The following ICA1L variants were observed in gnomAD, a reference collection of about 807,000 sequenced individuals.
The protein encoded by ICA1L is islet cell autoantigen 1 like.
In ICA1L, 50 loss-of-function variants were observed where a neutral mutation model predicts 61.3. The ratio of observed to expected loss-of-function variants is 0.82; its 90% CI spans 0.65 to 1.03. ICA1L has a LOEUF of 1.03. Ranked by LOEUF, ICA1L falls within the 50% of genes least tolerant of loss-of-function variation. The pLI is 0.00. For missense variants in ICA1L, 508 were observed against 556.7 expected (o/e 0.91, Z 0.88); for synonymous variants, 161 against 191.3 (o/e 0.84, Z 1.31).
At chr2:202,788,720 G>C in intron 11 of ICA1L, 110 bp downstream of exon 11, 4 of 1,091,308 alleles carry the variant, frequency 3.7e-6, no homozygotes, top group Non-Finnish European at 4.1e-6. Context: ...ATCTAGTAGT[G>C]CTGACATTAA....
At chr2:202,822,578 T>C (rs533450721) in intron 3 of ICA1L, among the ~76,000 whole-genome samples, 1 of 152,294 alleles carries the variant, frequency 6.6e-6, no homozygotes, top group Non-Finnish European at 1.5e-5. Context: ...ACTGATCTAG[T>C]GTAAGCTGAT....
chr2:202,840,242 G>C, intron 1 of ICA1L: 1 of 431,370 alleles, frequency 2.3e-6, no homozygotes, highest in Admixed American at 2.6e-5. Flanking sequence ...TGGGTCTCCT[G>C]TTCCCTGTGC....
At chr2:202,798,916 C>T (rs531714862) in intron 9 of ICA1L, among the ~76,000 whole-genome samples, 1 of 152,102 alleles carries the variant, frequency 6.6e-6, no homozygotes, top group Non-Finnish European at 1.5e-5. Flanking sequence ...AAGATAATGA[C>T]CTCCAGTTCT....
chr2:202,837,589 CTCT>C (rs1180374542), intron 1 of ICA1L, among the ~76,000 whole-genome samples: 2 of 152,012 alleles, frequency 1.3e-5, no homozygotes, highest in Admixed American at 1.3e-4. Flanking sequence ...TCAAAACCAG[CTCT>C]TCTTTTAATC....
chr2:202,837,471 G>C (rs1400647106), intron 1 of ICA1L, among the ~76,000 whole-genome samples: 3 of 150,378 alleles, frequency 2.0e-5, no homozygotes, highest in Non-Finnish European at 1.5e-5. Flanking sequence ...TTTTAGTAGA[G>C]ACAGGGTTTC....
intron 1 of ICA1L, among the ~76,000 whole-genome samples, chr2:202,853,133 T>C (rs1201554076): frequency 9.2e-5 from 14 of 151,738 alleles, no homozygotes; most frequent in African/African-American, 3.4e-4. Flanking sequence ...CCGAGGCAGG[T>C]GGATCACAAG....
intron 1 of ICA1L, among the ~76,000 whole-genome samples, chr2:202,853,710 G>T (rs1427844796): frequency 1.3e-5 from 2 of 151,958 alleles, no homozygotes; most frequent in African/African-American, 4.8e-5. Context: ...AACACACACT[G>T]CTCAAAAGAA....
intron 1 of ICA1L, among the ~76,000 whole-genome samples, chr2:202,839,519 A>T (rs868143737): frequency 6.9e-6 from 1 of 145,318 alleles, no homozygotes; most frequent in East Asian, 2.0e-4. Context: ...AAAAAAAAAA[A>T]GGTGAAGTGA....
intron 1 of ICA1L, among the ~76,000 whole-genome samples, chr2:202,852,671 CAAAAAAAAAAAAA>C (rs574400027): frequency 9.5e-5 from 4 of 42,210 alleles, no homozygotes; most frequent in Non-Finnish European, 8.4e-5. Flanking sequence ...GACTCTGTCT[CAAAAAAAAAAAAA>C]AAAAAAAAAA....
chr2:202,837,443 C>T (rs1342751757), intron 1 of ICA1L, among the ~76,000 whole-genome samples: 1 of 151,742 alleles, frequency 6.6e-6, no homozygotes, highest in African/African-American at 2.4e-5. Flanking sequence ...GCCACCACAC[C>T]CAGCTAATTT....
At chr2:202,856,939 T>C (rs1377801530) in intron 1 of ICA1L, among the ~76,000 whole-genome samples, 1 of 152,120 alleles carries the variant, frequency 6.6e-6, no homozygotes, top group African/African-American at 2.4e-5. Context: ...GTGAAGCACC[T>C]CTTCAAGGAG....
Position 202,774,277 on chromosome 2 carries a change from G to C in ICA1L, c.*5256C>G. On this transcript the variant is annotated 3_prime_UTR_variant, in exon 13 of 13. Transcript: ENST00000358299. ...CGGCCAAAGGCCGTGACCCCGACGC[G>C]TGCAGGCACCTACGGGCGACCGCGG... 1.9e-6 allele frequency: 3 copies of C among 1,541,526 alleles called. No homozygotes were observed. The South Asian group carries it at 3.6e-5, about 18-fold the overall frequency.
chr2:202,816,021 G>T lies in ICA1L; in HGVS notation c.685-12C>A. The T allele has an allele frequency of 6.4e-7, 1 of 1,553,704 alleles. No homozygotes were observed. The highest frequency in any genetic ancestry group is 8.7e-7 in the Non-Finnish European group (1 of 1,143,298). On this transcript the variant is annotated splice_polypyrimidine_tract_variant and intron_variant, in intron 6 of 12. Coordinates refer to ENST00000358299, the MANE Select transcript of ICA1L (RefSeq NM_001288622.3). Reference sequence around the variant, plus strand: ...CCAAGCAGTGTTCTCTGCAAAAAAAGAAAAGGTGACACTACAGTTCTGCTT... The same window carrying T: ...CCAAGCAGTGTTCTCTGCAAAAAAATAAAAGGTGACACTACAGTTCTGCTT...
intron 1 of ICA1L, 24 bp from the exon 2 acceptor site, chr2:202,829,040 A>C: frequency 6.6e-7 from 1 of 1,510,902 alleles, no homozygotes; most frequent in Non-Finnish European, 8.8e-7. Context: ...ACTAAAATTA[A>C]ACTTCTTTTA....
intron 9 of ICA1L, among the ~76,000 whole-genome samples, chr2:202,803,817 C>T (rs962966594): frequency 1.3e-5 from 2 of 152,116 alleles, no homozygotes; most frequent in African/African-American, 4.8e-5. Context: ...CATGTGCCAC[C>T]ACGCCTGGCC....
chr2:202,863,295 A>G (rs1426801857), intron 1 of ICA1L, among the ~76,000 whole-genome samples: 1 of 152,120 alleles, frequency 6.6e-6, no homozygotes, highest in African/African-American at 2.4e-5. Flanking sequence ...CCATCTCAAT[A>G]AAAAAAGAAA....
intron 1 of ICA1L, among the ~76,000 whole-genome samples, chr2:202,837,441 A>G (rs1186353942): frequency 6.7e-6 from 1 of 150,288 alleles, no homozygotes; most frequent in East Asian, 2.0e-4. Flanking sequence ...CTGCCACCAC[A>G]CCCAGCTAAT....
Position 202,837,009 on chromosome 2 carries a change from T to A in ICA1L, c.-7-7993A>T, listed in dbSNP as rs538284645. Reference sequence around the variant, plus strand: ...GGTGTGTGCCACCAAGCCCAGGTAATTTTTGTATTTTTATTAGAGATGGGG... The same window carrying A: ...GGTGTGTGCCACCAAGCCCAGGTAAATTTTGTATTTTTATTAGAGATGGGG... On this transcript the variant is annotated intron_variant, in intron 1 of 12. Transcript: ENST00000358299. Among the ~76,000 whole-genome samples, 113 of 151,588 alleles carry A rather than the reference T, an allele frequency of 7.5e-4. 1 individual carries two copies. In the East Asian group the frequency reaches 0.021, roughly 28 times the overall value.
At chr2:202,817,082 AT>A (rs1693559175) in intron 6 of ICA1L, among the ~76,000 whole-genome samples, 3 of 152,190 alleles carry the variant, frequency 2.0e-5, no homozygotes, top group Admixed American at 2.0e-4. Context: ...TTCAGATGAA[AT>A]TGTATGTAGA....
Sources: allele counts gnomAD v4.1 joint callset (sites outside exome capture counted in the v4.1 genomes callset), GRCh38; gene constraint gnomAD v4.1.1; transcripts MANE v1.5; gene names NCBI Gene and HGNC (gene_info 2026-07-23, HGNC 2026-07-21).